The following AFF4 variants were observed in gnomAD, a reference collection of about 807,000 sequenced individuals.
AFF4 encodes the protein AF4/FMR2 family member 4.
Under a neutral mutation model 124.8 loss-of-function variants are expected in AFF4, and 13 were observed. The ratio of observed to expected loss-of-function variants is 0.10; its 90% CI spans 0.07 to 0.17. The LOEUF is 0.17. AFF4 is among the 10% of genes least tolerant of loss of function. The pLI is 1.00. For missense variants in AFF4, 1,092 were observed against 1,403.8 expected (o/e 0.78, Z 3.55); for synonymous variants, 477 against 496.1 (o/e 0.96, Z 0.51).
intron 7 of AFF4, among the ~76,000 whole-genome samples, chr5:132,901,768 T>A (rs191858440): frequency 5.3e-5 from 8 of 152,288 alleles, no homozygotes; most frequent in South Asian, 4.1e-4. Flanking sequence ...ATTAGGAATA[T>A]ACACACAAAA....
chr5:132,942,652 T>C (rs918200713), intron 1 of AFF4, among the ~76,000 whole-genome samples: 2 of 152,126 alleles, frequency 1.3e-5, no homozygotes, highest in African/African-American at 4.8e-5. Flanking sequence ...TAAGTAGAGA[T>C]GGGGTTTCTC....
chr5:132,944,293 T>TTGCAGTGAGCCGAGATCGC (rs1253464203), intron 1 of AFF4, among the ~76,000 whole-genome samples: 16,888 of 151,012 alleles, frequency 0.11, 1,232 homozygotes, highest in South Asian at 0.18. Context: ...GCCGAGATCG[T>TTGCAGTGAGCCGAGATCGC]GCCGCTGCAC....
chr5:132,930,649 CA>C (rs547138672), intron 4 of AFF4, among the ~76,000 whole-genome samples: 5 of 146,946 alleles, frequency 3.4e-5, no homozygotes, highest in Admixed American at 1.4e-4. Flanking sequence ...CAGGAGCTCA[CA>C]AAAAAAAATA....
intron 17 of AFF4, 104 bp downstream of exon 17, chr5:132,887,417 A>G: frequency 1.9e-6 from 2 of 1,061,886 alleles, no homozygotes; most frequent in Non-Finnish European, 2.8e-6. Context: ...TTAAGACAGG[A>G]TTACAGAAGT....
At position 132,882,851 on chromosome 5, in the gene AFF4, T is replaced by C. The variant is rs1760017561; in HGVS notation, c.3364+489A>G. 4.9e-5 allele frequency among the ~76,000 whole-genome samples: 3 copies of C among 61,212 alleles called. No individual in the cohort carries two copies. The South Asian group carries it at 2.3e-3, about 47-fold the overall frequency. The allele number at this position is 61,212 out of a possible 152,430, so 40.2% of individuals were successfully genotyped here. On this transcript the variant is annotated intron_variant, in intron 20 of 20. Coordinates refer to ENST00000265343, the MANE Select transcript of AFF4 (RefSeq NM_014423.4). Reference sequence around the variant, plus strand: ...CCTGGGCAACAAAAGCGAAACTCCATCTCAAAAAAAAAAAAAAAAAAATTT... The same window carrying C: ...CCTGGGCAACAAAAGCGAAACTCCACCTCAAAAAAAAAAAAAAAAAAATTT...
intron 1 of AFF4, among the ~76,000 whole-genome samples, chr5:132,960,702 T>C (rs968557186): frequency 6.6e-6 from 1 of 152,212 alleles, no homozygotes; most frequent in African/African-American, 2.4e-5. Flanking sequence ...TTAGATAAGT[T>C]GATAGAACAA....
chr5:132,929,134 C>G (rs961888463), intron 4 of AFF4, among the ~76,000 whole-genome samples: 29 of 151,824 alleles, frequency 1.9e-4, no homozygotes, highest in Admixed American at 6.6e-4. Flanking sequence ...ACTACAAATA[C>G]AAAGAAAACA....
intron 1 of AFF4, among the ~76,000 whole-genome samples, chr5:132,946,903 C>T (rs1287832478): frequency 6.6e-6 from 1 of 151,894 alleles, no homozygotes; most frequent in East Asian, 1.9e-4. Context: ...AGTTATAAAA[C>T]ATTTTAGGTC....
At chr5:132,940,393 C>T (rs138092352) in intron 1 of AFF4, among the ~76,000 whole-genome samples, 2,237 of 151,336 alleles carry the variant, frequency 0.015, 66 homozygotes, top group African/African-American at 0.052. Flanking sequence ...CCCAGCTACT[C>T]GGGAGGCTGA....
At chr5:132,887,774 A>G (rs971706189) in intron 16 of AFF4, 72 bp downstream of exon 16, 70 of 1,575,928 alleles carry the variant, frequency 4.4e-5, no homozygotes, top group Non-Finnish European at 5.6e-5. Context: ...AGTTTACTAT[A>G]TATCAGCCTC....
chr5:132,933,488 G>A (rs974384318), intron 3 of AFF4, among the ~76,000 whole-genome samples: 9 of 151,044 alleles, frequency 6.0e-5, no homozygotes, highest in African/African-American at 1.7e-4. Context: ...TGAGAGGATC[G>A]CTTGAGGCCA....
chr5:132,880,604 CA>C lies in AFF4; in HGVS notation c.*454del, dbSNP rs1759950345. ...ATTCTTACTCTTAGAACAGCTACCACAAAAAGATATTAGGTAATAAAGCTCC... is the reference window on the plus strand; with the variant it reads ...ATTCTTACTCTTAGAACAGCTACCACAAAAGATATTAGGTAATAAAGCTCC... On this transcript the variant is annotated 3_prime_UTR_variant, in exon 21 of 21. Coordinates refer to ENST00000265343, the MANE Select transcript of AFF4 (RefSeq NM_014423.4). 2.8e-6 allele frequency: 1 copy of C among 361,750 alleles called. No individual in the cohort carries two copies. The highest frequency in any genetic ancestry group is 4.9e-6 in the Non-Finnish European group (1 of 203,130). The allele number at this position is 361,750 out of a possible 1,614,324, so 22.4% of individuals were successfully genotyped here. A position where few individuals can be genotyped will look rare whatever the true frequency, so the allele number is the denominator to read the frequency against.
Position 132,878,375 on chromosome 5 carries a change from A to G in AFF4, c.*2684T>C. 4.3e-6 allele frequency: 1 copy of G among 230,542 alleles called. No homozygotes were observed. The highest frequency in any genetic ancestry group is 8.6e-6 in the Non-Finnish European group (1 of 116,062). 14.3% of individuals were successfully genotyped at this position (230,542 alleles called of 1,614,324 possible). A position where few individuals can be genotyped will look rare whatever the true frequency, so the allele number is the denominator to read the frequency against. On this transcript the variant is annotated 3_prime_UTR_variant, in exon 21 of 21. Transcript: ENST00000265343. ...ACTGTTTAAAATAGTTGTTGTTTCT[A>G]TAATTAACCATATACTAAGTACAAG...
chr5:132,913,602 C>T (rs915418805), intron 5 of AFF4, among the ~76,000 whole-genome samples: 1 of 152,122 alleles, frequency 6.6e-6, no homozygotes, highest in African/African-American at 2.4e-5. Flanking sequence ...CACCACCGTG[C>T]CCGGCTGATT....
At chr5:132,927,061 A>G (rs1561498659) in intron 5 of AFF4, 60 bp downstream of exon 5, 2 of 1,436,726 alleles carry the variant, frequency 1.4e-6, no homozygotes, top group Non-Finnish European at 1.9e-6. Context: ...AATCCATATG[A>G]TTTTAGTCAA....
intron 5 of AFF4, among the ~76,000 whole-genome samples, chr5:132,904,804 T>A (rs952333212): frequency 2.6e-5 from 4 of 152,050 alleles, no homozygotes; most frequent in African/African-American, 9.7e-5. Context: ...GTATACCACT[T>A]TTTTGGGAGG....
chr5:132,950,874 A>G (rs958808626), intron 1 of AFF4, among the ~76,000 whole-genome samples: 2 of 152,094 alleles, frequency 1.3e-5, no homozygotes, highest in Non-Finnish European at 2.9e-5. Context: ...CTCCATCTCT[A>G]GTGAATCCTA....
intron 5 of AFF4, among the ~76,000 whole-genome samples, chr5:132,922,977 C>A (rs1422097108): frequency 6.6e-6 from 1 of 151,704 alleles, no homozygotes; most frequent in Admixed American, 6.6e-5. Flanking sequence ...GAGATTGAGA[C>A]CATCCTGGCC....
intron 1 of AFF4, among the ~76,000 whole-genome samples, chr5:132,946,598 ATTC>A (rs1251796320): frequency 6.6e-6 from 1 of 152,192 alleles, no homozygotes; most frequent in African/African-American, 2.4e-5. Context: ...ATATTGTATG[ATTC>A]TACTTAATAT....
Sources: gnomAD v4.1 joint callset for allele counts (sites outside exome capture counted in the v4.1 genomes callset) on GRCh38, gnomAD v4.1.1 for gene constraint, MANE v1.5 for transcripts, NCBI Gene and HGNC (gene_info 2026-07-23, HGNC 2026-07-21) for gene names.